PAX5: variants seen among roughly 807,000 people sequenced by gnomAD.
The protein encoded by PAX5 is paired box protein Pax-5.
In PAX5, 9 loss-of-function variants were observed where a neutral mutation model predicts 43.7. The observed-to-expected ratio is 0.21, with a 90% CI of 0.12 to 0.36. The LOEUF is 0.36. Among genes scored for constraint, PAX5 ranks in the 10% least tolerant of loss-of-function variants. The probability of loss-of-function intolerance (pLI) is 1.00; values close to 1 mark genes in which losing one functional copy is unlikely to be tolerated. For missense variants in PAX5, 383 were observed against 532.7 expected (o/e 0.72, Z 2.77); for synonymous variants, 228 against 214.3 (o/e 1.06, Z -0.56).
chr9:36,843,335 G>T (rs1198110347), intron 9 of PAX5, among the ~76,000 whole-genome samples: 4 of 152,222 alleles, frequency 2.6e-5, no homozygotes, highest in Admixed American at 6.5e-5. Context: ...CGGGCCGGGA[G>T]AGGTGAACGG....
At chr9:36,906,514 C>G (rs1828835581) in intron 7 of PAX5, among the ~76,000 whole-genome samples, 1 of 152,162 alleles carries the variant, frequency 6.6e-6, no homozygotes, top group Non-Finnish European at 1.5e-5. Context: ...GGAACACAGC[C>G]CACCACTCTT....
intron 1 of PAX5, among the ~76,000 whole-genome samples, chr9:37,025,391 G>C (rs1840241572): frequency 6.6e-6 from 1 of 151,538 alleles, no homozygotes; most frequent in East Asian, 2.0e-4. Context: ...GGGACCTGCG[G>C]CTAGGAAAGC....
chr9:36,926,250 TA>T (rs561545375), intron 6 of PAX5, among the ~76,000 whole-genome samples: 66 of 152,316 alleles, frequency 4.3e-4, no homozygotes, highest in African/African-American at 1.5e-3. Context: ...CCTGATCCAT[TA>T]AAACACAGTG....
At chr9:36,956,511 G>A (rs1833491373) in intron 6 of PAX5, among the ~76,000 whole-genome samples, 1 of 152,140 alleles carries the variant, frequency 6.6e-6, no homozygotes, top group African/African-American at 2.4e-5. Flanking sequence ...GACCCAGAGT[G>A]ACTAGCCTAA....
At chr9:36,981,851 G>C (rs1349822083) in intron 5 of PAX5, among the ~76,000 whole-genome samples, 1 of 152,276 alleles carries the variant, frequency 6.6e-6, no homozygotes, top group Non-Finnish European at 1.5e-5. Flanking sequence ...TACAGCACTG[G>C]TCAGAGCAAA....
intron 6 of PAX5, among the ~76,000 whole-genome samples, chr9:36,939,218 A>G (rs1282565616): frequency 6.6e-6 from 1 of 152,194 alleles, no homozygotes. Flanking sequence ...TAAATGTGGA[A>G]GGTTCTAAAC....
intron 5 of PAX5, among the ~76,000 whole-genome samples, chr9:36,981,444 AAAAC>A (rs888981770): frequency 6.7e-5 from 10 of 149,136 alleles, no homozygotes; most frequent in Non-Finnish European, 1.2e-4. Context: ...CAAAAAAAAA[AAAAC>A]AAAAAACAGG....
chr9:36,945,208 C>T (rs1426017974), intron 6 of PAX5, among the ~76,000 whole-genome samples: 1 of 149,274 alleles, frequency 6.7e-6, no homozygotes, highest in African/African-American at 2.5e-5. Context: ...AACAAAACTC[C>T]CTTTGGACAA....
intron 8 of PAX5, among the ~76,000 whole-genome samples, chr9:36,866,468 G>C (rs1824896190): frequency 6.6e-6 from 1 of 152,198 alleles, no homozygotes. Flanking sequence ...TGAGACTTAA[G>C]AGAAGATGTT....
intron 6 of PAX5, among the ~76,000 whole-genome samples, chr9:36,954,109 G>A (rs1833243508): frequency 6.6e-6 from 1 of 151,974 alleles, no homozygotes; most frequent in Non-Finnish European, 1.5e-5. Flanking sequence ...TAATTCCAAA[G>A]TCTGAGTCTG....
In PAX5 at chr9:37,015,242, G is replaced by A; in HGVS notation, c.213-48C>T. On this transcript the variant is annotated intron_variant, in intron 2 of 9. Transcript: ENST00000358127. This position sits in a 1 kb window ranked among gnomAD's most constrained non-coding sequence, Gnocchi z 4.4. The stretch of plus-strand genomic sequence containing the variant: ...CTTAGCCATGAGGAACCAGTAAAGT[G>A]GATATTGGCAACAAAATAACGGGCT... The A allele has an allele frequency of 1.3e-6, 2 of 1,528,914 alleles. No homozygotes were observed. Among genetic ancestry groups the A allele is most frequent in the Non-Finnish European group, 1.8e-6 (2 of 1,104,056 alleles). The allele number at this position is 1,528,914 out of a possible 1,614,324, so 94.7% of individuals were successfully genotyped here. A position where few individuals can be genotyped will look rare whatever the true frequency, so the allele number is the denominator to read the frequency against.
intron 8 of PAX5, among the ~76,000 whole-genome samples, chr9:36,871,982 C>G (rs1825535656): frequency 6.6e-6 from 1 of 152,236 alleles, no homozygotes; most frequent in African/African-American, 2.4e-5. Flanking sequence ...CTCTCCCCAT[C>G]TCCATGCTCC....
At chr9:36,918,240 T>G (rs1350538662) in intron 7 of PAX5, among the ~76,000 whole-genome samples, 2 of 152,232 alleles carry the variant, frequency 1.3e-5, no homozygotes, top group African/African-American at 4.8e-5. Flanking sequence ...GCAAAGCCTC[T>G]TGCACCAAAC....
At chr9:36,860,069 T>C (rs895228804) in intron 8 of PAX5, among the ~76,000 whole-genome samples, 1 of 149,300 alleles carries the variant, frequency 6.7e-6, no homozygotes, top group African/African-American at 2.5e-5. Context: ...CCGGGCATAG[T>C]GGCTCACACC....
At chr9:36,968,371 T>G (rs2132205934) in intron 5 of PAX5, among the ~76,000 whole-genome samples, 1 of 152,356 alleles carries the variant, frequency 6.6e-6, no homozygotes, top group South Asian at 2.1e-4. Flanking sequence ...CAATGCTTCC[T>G]CAACTGTACT....
At chr9:36,914,987 T>C (rs1378990702) in intron 7 of PAX5, among the ~76,000 whole-genome samples, 1 of 152,254 alleles carries the variant, frequency 6.6e-6, no homozygotes, top group Non-Finnish European at 1.5e-5. Flanking sequence ...GATAGTTCTA[T>C]TTAATTCTTT....
At chr9:37,017,673 G>A (rs1314917212) in intron 2 of PAX5, among the ~76,000 whole-genome samples, 1 of 152,236 alleles carries the variant, frequency 6.6e-6, no homozygotes, top group Non-Finnish European at 1.5e-5. Context: ...GTGGCAAGCT[G>A]AAGGTCCCCC....
At chr9:37,020,866 A>T in intron 1 of PAX5, 65 bp from the exon 2 acceptor site, 1 of 1,560,320 alleles carries the variant, frequency 6.4e-7, no homozygotes, top group Non-Finnish European at 8.8e-7. Context: ...TAGGAGAAGC[A>T]CCGCTGTGAG....
intron 1 of PAX5, among the ~76,000 whole-genome samples, chr9:37,030,468 G>A (rs1263428581): frequency 6.6e-6 from 1 of 152,208 alleles, no homozygotes; most frequent in African/African-American, 2.4e-5. Context: ...GGGTCCAGGA[G>A]AGCGAGACTA....
Sources: allele counts gnomAD v4.1 joint callset (sites outside exome capture counted in the v4.1 genomes callset), GRCh38; gene constraint gnomAD v4.1.1; non-coding constraint Gnocchi (gnomAD v3.1); transcripts MANE v1.5; gene names NCBI Gene and HGNC (gene_info 2026-07-23, HGNC 2026-07-21).